TMOD3: variants seen among roughly 807,000 people sequenced by gnomAD.
The protein encoded by TMOD3 is tropomodulin 3, also known as tropomodulin-3.
In TMOD3, 20 loss-of-function variants were observed where a neutral mutation model predicts 39.2. That is an observed-to-expected ratio of 0.51 (90% CI 0.36 to 0.74). The LOEUF (loss-of-function observed/expected upper bound fraction) is 0.74. TMOD3 is among the 30% of genes least tolerant of loss of function. The pLI, the probability that TMOD3 is intolerant of heterozygous loss-of-function variation, is 0.00. For synonymous variants in TMOD3, 143 were observed against 145.8 expected (o/e 0.98, Z 0.14); for missense variants, 381 against 412.8 (o/e 0.92, Z 0.67).
chr15:51,846,951 T>G (rs1423596009), intron 1 of TMOD3, among the ~76,000 whole-genome samples: 1 of 152,178 alleles, frequency 6.6e-6, no homozygotes, highest in Non-Finnish European at 1.5e-5. Flanking sequence ...TATTTTGGCA[T>G]CCATCTTTGG....
chr15:51,882,962 C>T (rs1037057513), intron 3 of TMOD3, among the ~76,000 whole-genome samples: 24 of 152,232 alleles, frequency 1.6e-4, no homozygotes, highest in African/African-American at 4.6e-4. Context: ...TCTTTACTTC[C>T]ACTTTTCTAT....
At chr15:51,876,464 CT>C (rs35777134) in intron 3 of TMOD3, among the ~76,000 whole-genome samples, 52,721 of 136,380 alleles carry the variant, frequency 0.39, 9,973 homozygotes, top group Non-Finnish European at 0.44. Flanking sequence ...GCACCCAGCG[CT>C]TTTTTTTTTT....
chr15:51,830,094 CCG>C (rs2056246643), intron 1 of TMOD3, among the ~76,000 whole-genome samples: 1 of 152,098 alleles, frequency 6.6e-6, no homozygotes, highest in Non-Finnish European at 1.5e-5. Context: ...AGTGAATCAC[CCG>C]CGGCCCGGGC....
At chr15:51,878,628 C>T (rs2056517680) in intron 3 of TMOD3, among the ~76,000 whole-genome samples, 1 of 152,134 alleles carries the variant, frequency 6.6e-6, no homozygotes, top group Admixed American at 6.6e-5. Flanking sequence ...ACTCACTAAA[C>T]ATTTGTTAAC....
At chr15:51,852,532 A>G (rs934006092) in intron 1 of TMOD3, among the ~76,000 whole-genome samples, 4 of 152,178 alleles carry the variant, frequency 2.6e-5, no homozygotes, top group African/African-American at 9.7e-5. Flanking sequence ...AGAACTCTGA[A>G]TACTAAGCTC....
At chr15:51,841,947 T>A (rs2056314683) in intron 1 of TMOD3, among the ~76,000 whole-genome samples, 2 of 152,240 alleles carry the variant, frequency 1.3e-5, no homozygotes, top group Admixed American at 1.3e-4. Context: ...TTTTTTTTTA[T>A]GTACTTGTAG....
intron 1 of TMOD3, among the ~76,000 whole-genome samples, chr15:51,851,044 C>T (rs2141675625): frequency 6.6e-6 from 1 of 152,172 alleles, no homozygotes. Flanking sequence ...TAGTTTTAAC[C>T]AGATGTGGGG....
Position 51,912,920 on chromosome 15 carries a change from AG to A in TMOD3, c.*4111del, listed in dbSNP as rs2056718536. ...TAAGATTTGCTTACCAACAAATCAA[AG>A]AAACGCTTCACTAATTATTTTTAAA... On this transcript the variant is annotated 3_prime_UTR_variant, in exon 10 of 10. Coordinates refer to ENST00000308580, the MANE Select transcript of TMOD3 (RefSeq NM_014547.5). 6.6e-6 allele frequency: 1 copy of A among 152,238 alleles called. No homozygotes were observed. The highest frequency in any genetic ancestry group is 2.4e-5 in the African/African-American group (1 of 41,464). 9.4% of individuals were successfully genotyped at this position (152,238 alleles called of 1,614,324 possible).
chr15:51,831,466 G>C (rs1342822916), intron 1 of TMOD3, among the ~76,000 whole-genome samples: 1 of 152,214 alleles, frequency 6.6e-6, no homozygotes, highest in Non-Finnish European at 1.5e-5. Context: ...GTTTGAAGTA[G>C]AGTCCAAAGT....
At chr15:51,896,291 C>A in intron 6 of TMOD3, 128 bp from the exon 7 acceptor site, 1 of 621,122 alleles carries the variant, frequency 1.6e-6, no homozygotes, top group Non-Finnish European at 2.8e-6. Flanking sequence ...CATTTGTAGA[C>A]TAATTCTTAG....
chr15:51,859,107 C>T, intron 1 of TMOD3: 1 of 545,342 alleles, frequency 1.8e-6, no homozygotes, highest in Non-Finnish European at 3.4e-6. Context: ...GAACAAATTA[C>T]AAAAATGGAC....
intron 3 of TMOD3, among the ~76,000 whole-genome samples, chr15:51,885,724 T>A (rs1327655177): frequency 6.6e-6 from 1 of 152,246 alleles, no homozygotes; most frequent in African/African-American, 2.4e-5. Flanking sequence ...CGATTTCTCC[T>A]TCTTTTCCCC....
At chr15:51,847,280 C>A (rs1161599887) in intron 1 of TMOD3, among the ~76,000 whole-genome samples, 5 of 152,214 alleles carry the variant, frequency 3.3e-5, no homozygotes, top group Non-Finnish European at 7.3e-5. Flanking sequence ...CTAGCCCTAA[C>A]AAGTTTTTCT....
In TMOD3 at chr15:51,833,691, G is replaced by A. The variant is rs538527660; in HGVS notation, c.-75+3855G>A. On this transcript the variant is annotated intron_variant, in intron 1 of 9. Coordinates refer to ENST00000308580, the MANE Select transcript of TMOD3 (RefSeq NM_014547.5). ...TCTATGTTGTTGGCAAGTATCAGTG[G>A]TTTGTCCTTTTAAGTTGTTGAATAG... is the stretch of plus-strand genomic sequence containing the variant. Among the ~76,000 whole-genome samples the A allele has an allele frequency of 4.6e-5, 7 of 152,266 alleles. No individual in the cohort carries two copies. The East Asian group carries it at 7.7e-4, about 17-fold the overall frequency.
At chr15:51,857,034 C>T (rs1016845477) in intron 1 of TMOD3, among the ~76,000 whole-genome samples, 5 of 151,894 alleles carry the variant, frequency 3.3e-5, no homozygotes, top group Admixed American at 6.6e-5. Flanking sequence ...TTCATTTATA[C>T]GATAGAATAG....
Position 51,908,932 on chromosome 15 carries a change from C to A in TMOD3, c.*122C>A. 1.7e-6 allele frequency: 1 copy of A among 578,746 alleles called. No individual in the cohort carries two copies. Among genetic ancestry groups the A allele is most frequent in the Non-Finnish European group, 2.9e-6 (1 of 347,320 alleles). 35.9% of individuals were successfully genotyped at this position (578,746 alleles called of 1,614,324 possible). ...CTGGAAAAATTTTTTTAGTGACATGCATTTTTTTTTTAGTTGTTATCAAAT... is the reference window on the plus strand; with the variant it reads ...CTGGAAAAATTTTTTTAGTGACATGAATTTTTTTTTTAGTTGTTATCAAAT... On this transcript the variant is annotated 3_prime_UTR_variant, in exon 10 of 10. Coordinates refer to ENST00000308580, the MANE Select transcript of TMOD3 (RefSeq NM_014547.5).
At chr15:51,849,926 T>C (rs1273276819) in intron 1 of TMOD3, among the ~76,000 whole-genome samples, 1 of 150,424 alleles carries the variant, frequency 6.6e-6, no homozygotes, top group Non-Finnish European at 1.5e-5. Context: ...AGAACGAGAC[T>C]CTGTCTCAAT....
chr15:51,848,620 T>C (rs890369474), intron 1 of TMOD3, among the ~76,000 whole-genome samples: 1 of 152,208 alleles, frequency 6.6e-6, no homozygotes, highest in Admixed American at 6.5e-5. Context: ...ACTTGGGAAA[T>C]TGTTGGCTAG....
At chr15:51,861,084 C>T in intron 1 of TMOD3, 2 of 610,348 alleles carry the variant, frequency 3.3e-6, no homozygotes, top group Non-Finnish European at 5.9e-6. Flanking sequence ...GCGTGTTCTT[C>T]TCTGGATCTG....
Sources: allele counts gnomAD v4.1 joint callset (sites outside exome capture counted in the v4.1 genomes callset), GRCh38; gene constraint gnomAD v4.1.1; transcripts MANE v1.5; gene names NCBI Gene and HGNC (gene_info 2026-07-23, HGNC 2026-07-21).